Variants in CHD6 observed in about 807,000 individuals in gnomAD.
The protein encoded by CHD6 is chromodomain helicase DNA binding protein 6, also known as ATP-dependent chromatin remodeler CHD6.
A neutral mutation model predicts 276.9 loss-of-function variants in CHD6; 50 were observed. The ratio of observed to expected loss-of-function variants is 0.18; its 90% CI spans 0.14 to 0.23. CHD6 has a LOEUF of 0.23. Ranked by LOEUF, CHD6 falls within the 10% of genes least tolerant of loss-of-function variation. CHD6 has a pLI of 1.00. For synonymous variants in CHD6, 1,173 were observed against 1,229.3 expected, an observed-to-expected ratio of 0.95 and a Z score of 0.96; for missense variants, 2,564 against 3,365.8, an observed-to-expected ratio of 0.76 and a Z score of 5.89.
chr20:41,404,852 G>A lies in CHD6; in HGVS notation c.7889C>T (p.Pro2630Leu), dbSNP rs908324328. The change falls in exon 37 of 37, where the codon CCT becomes CTT. Residue 2630 changes from proline (P) to leucine (L), a missense_variant. Physicochemically the swap from Pro to Leu is moderately conservative, Grantham distance 98. Around this residue, in one of 7 missense-constraint regions of CHD6, gnomAD observed 238 missense variants for 266.0 expected, o/e 0.89. Transcript: ENST00000373233. ...GLIYPSMFLS[P>L]GMGMALPAMQ... ...GGCTGGCAGAGCCATGCCCATACCA[G>A]GGGAGAGGAACATGGATGGGTAAAT... is the stretch of plus-strand genomic sequence containing the variant. 1.2e-5 allele frequency: 20 copies of A among 1,614,006 alleles called. No homozygotes were observed. Among genetic ancestry groups the A allele is most frequent in the Non-Finnish European group, 1.7e-5 (20 of 1,180,050 alleles).
chr20:41,415,664 G>C, intron 33 of CHD6, 26 bp from the exon 34 acceptor site: 3 of 1,509,476 alleles, frequency 2.0e-6, no homozygotes, highest in Non-Finnish European at 2.7e-6. Context: ...CAGCAAGAGA[G>C]GTCTGAATGT....
chr20:41,474,523 TG>T (rs1183249044), intron 16 of CHD6, among the ~76,000 whole-genome samples: 2 of 152,094 alleles, frequency 1.3e-5, no homozygotes, highest in Non-Finnish European at 1.5e-5. Context: ...AAACATGAAC[TG>T]GTTAGTGAAG....
Position 41,420,922 on chromosome 20 carries a change from T to C in CHD6, c.5713A>G (p.Asn1905Asp). 2 of 1,614,188 alleles carry C rather than the reference T, an allele frequency of 1.2e-6. No individual in the cohort carries two copies. The highest frequency in any genetic ancestry group is 1.7e-6 in the Non-Finnish European group (2 of 1,180,022). Reference sequence around the variant, plus strand: ...TTGGTTTCATCTTGGAAGCCTTGGTTCTTTTCCCTTGAGATGTTAGTAGTG... The same window carrying C: ...TTGGTTTCATCTTGGAAGCCTTGGTCCTTTTCCCTTGAGATGTTAGTAGTG... ...EPTTNISREK[N>D]QGFQDETKKG... The change falls in exon 31 of 37, where the codon AAC becomes GAC. Residue 1905 changes from asparagine to aspartate, a missense_variant. This residue lies in a region of CHD6 where 1,024 missense variants were observed against 1,047.9 expected (regional missense o/e 0.98). Coordinates refer to ENST00000373233, the MANE Select transcript of CHD6 (RefSeq NM_032221.5).
intron 1 of CHD6, among the ~76,000 whole-genome samples, chr20:41,595,748 ATAT>A (rs2045710520): frequency 6.6e-6 from 1 of 151,964 alleles, no homozygotes; most frequent in Admixed American, 6.5e-5. Context: ...AAATGATAAA[ATAT>A]TGTTGTTTTA....
chr20:41,406,446 T>A (rs1569037741), intron 36 of CHD6, among the ~76,000 whole-genome samples: 1 of 152,160 alleles, frequency 6.6e-6, no homozygotes, highest in Admixed American at 6.5e-5. Context: ...CACAGAATCC[T>A]GGGGGAGGGC....
chr20:41,479,179 G>A (rs955033516), intron 16 of CHD6, among the ~76,000 whole-genome samples: 1 of 152,058 alleles, frequency 6.6e-6, no homozygotes, highest in Non-Finnish European at 1.5e-5. Context: ...CAGAGCCCAT[G>A]GACTTGTGGG....
rs187883133 is a variant in CHD6 at position 41,415,079 on chromosome 20, C to T, written c.6939+107G>A. On this transcript the variant is annotated intron_variant, in intron 34 of 36. Transcript: ENST00000373233. ...ATGAGAGAAAATAAAGCAGGACAACCGAAATAGAGATAAAAGATCCACAAA... is the reference window on the plus strand; with the variant it reads ...ATGAGAGAAAATAAAGCAGGACAACTGAAATAGAGATAAAAGATCCACAAA... 5.9e-5 allele frequency: 88 copies of T among 1,488,358 alleles called. 1 individual carries two copies. The Admixed American group carries it at 1.2e-3, about 21-fold the overall frequency. The allele number at this position is 1,488,358 out of a possible 1,614,324, so 92.2% of individuals were successfully genotyped here. A position where few individuals can be genotyped will look rare whatever the true frequency, so the allele number is the denominator to read the frequency against.
chr20:41,604,107 A>G (rs2045802283), intron 1 of CHD6, among the ~76,000 whole-genome samples: 2 of 152,114 alleles, frequency 1.3e-5, no homozygotes, highest in Admixed American at 1.3e-4. Flanking sequence ...GTTGAATATC[A>G]TCTCATTCTC....
intron 1 of CHD6, among the ~76,000 whole-genome samples, chr20:41,593,420 C>T (rs528313380): frequency 2.6e-4 from 40 of 152,248 alleles, no homozygotes; most frequent in African/African-American, 9.1e-4. Flanking sequence ...TGCACAGACC[C>T]AAGCCACTAA....
At chr20:41,498,005 A>G (rs2043729513) in intron 7 of CHD6, 163 bp downstream of exon 7, 2 of 590,114 alleles carry the variant, frequency 3.4e-6, no homozygotes, top group East Asian at 3.0e-5. Context: ...GTGTGCAGCT[A>G]TAATTGAGCG....
At chr20:41,406,945 C>G (rs75951228) in intron 36 of CHD6, among the ~76,000 whole-genome samples, 1 of 152,220 alleles carries the variant, frequency 6.6e-6, no homozygotes, top group Admixed American at 6.5e-5. Flanking sequence ...CATCTTCTTA[C>G]GGTTCTTGCT....
At chr20:41,477,744 T>C (rs2145803392) in intron 16 of CHD6, among the ~76,000 whole-genome samples, 1 of 152,254 alleles carries the variant, frequency 6.6e-6, no homozygotes, top group East Asian at 1.9e-4. Flanking sequence ...CAACCTAATT[T>C]AATAGTGCAG....
intron 5 of CHD6, among the ~76,000 whole-genome samples, chr20:41,506,216 C>T (rs1308368164): frequency 6.6e-6 from 1 of 152,214 alleles, no homozygotes; most frequent in African/African-American, 2.4e-5. Flanking sequence ...CACAACCTAA[C>T]ATTCAGAATG....
rs150321512 is a variant in CHD6 at position 41,541,163 on chromosome 20, C to G, written c.34-7593G>C. Reference sequence around the variant, plus strand: ...GAGTGGGGGCAGGAACAATGTCTGTCCGATTGTGCATTTGTATGTCTCTTT... The same window carrying G: ...GAGTGGGGGCAGGAACAATGTCTGTGCGATTGTGCATTTGTATGTCTCTTT... On this transcript the variant is annotated intron_variant, in intron 2 of 36. Transcript: ENST00000373233. Among the ~76,000 whole-genome samples, 7 of 152,266 alleles carry G rather than the reference C, an allele frequency of 4.6e-5. No homozygotes were observed. In the East Asian group the frequency reaches 1.4e-3, roughly 29 times the overall value.
chr20:41,603,230 C>A (rs1207992909), intron 1 of CHD6, among the ~76,000 whole-genome samples: 2 of 151,874 alleles, frequency 1.3e-5, no homozygotes, highest in Non-Finnish European at 2.9e-5. Flanking sequence ...CAGGTGCCAG[C>A]AGTCCCAGCT....
chr20:41,576,106 C>A (rs767828633), intron 1 of CHD6, among the ~76,000 whole-genome samples: 1 of 151,876 alleles, frequency 6.6e-6, no homozygotes, highest in Non-Finnish European at 1.5e-5. Context: ...AAAGGAAAAG[C>A]TGCACAGAAG....
intron 1 of CHD6, among the ~76,000 whole-genome samples, chr20:41,580,697 G>A (rs1480920382): frequency 6.7e-6 from 1 of 148,792 alleles, no homozygotes; most frequent in African/African-American, 2.5e-5. Context: ...TATTGAACAT[G>A]TTTTGGCCAA....
chr20:41,566,356 T>G (rs1453159201), intron 1 of CHD6, among the ~76,000 whole-genome samples: 1 of 152,178 alleles, frequency 6.6e-6, no homozygotes, highest in Non-Finnish European at 1.5e-5. Flanking sequence ...AAGGGATAAC[T>G]ACTAGCTTTT....
chr20:41,512,771 G>A lies in CHD6; in HGVS notation c.852+75C>T, dbSNP rs972826679. ...TGATCTGACTTATGCTTTAGCAAAG[G>A]CCAAGAAACACGTCTGTCATCTAGG... On this transcript the variant is annotated intron_variant, in intron 5 of 36. Coordinates refer to ENST00000373233, the MANE Select transcript of CHD6 (RefSeq NM_032221.5). 1.9e-5 allele frequency: 30 copies of A among 1,546,486 alleles called. No individual in the cohort carries two copies. In the African/African-American group the frequency reaches 3.3e-4, roughly 17 times the overall value.
Sources: gnomAD v4.1 joint callset for allele counts (sites outside exome capture counted in the v4.1 genomes callset) on GRCh38, gnomAD v4.1.1 for gene constraint, gnomAD v4.1.1 regional missense constraint, MANE v1.5 for transcripts, NCBI Gene and HGNC (gene_info 2026-07-23, HGNC 2026-07-21) for gene names.